The following BCAP31 variants were observed in gnomAD, a reference collection of about 807,000 sequenced individuals.
The protein encoded by BCAP31 is B-cell receptor-associated protein 31.
For missense variants in BCAP31, 124 were observed against 193.0 expected, an observed-to-expected ratio of 0.64 and a Z score of 2.12; for synonymous variants, 75 against 80.9, an observed-to-expected ratio of 0.93 and a Z score of 0.39.
At chrX:153,714,110 C>G (rs2091610687) in intron 4 of BCAP31, among the ~76,000 whole-genome samples, 2 of 109,085 alleles carry the variant, frequency 1.8e-5, no homozygotes, top group South Asian at 8.1e-4. Context: ...CTCCTGACCT[C>G]AGGTGATCCA....
chrX:153,716,240 T>A (rs1228641294), intron 3 of BCAP31, among the ~76,000 whole-genome samples: 1 of 109,235 alleles, frequency 9.2e-6, no homozygotes, highest in African/African-American at 3.3e-5. Context: ...GGCCCCATTC[T>A]ACACAGGCCC....
intron 3 of BCAP31, 67 bp from the exon 4 acceptor site, chrX:153,715,756 G>A (rs2091622974): frequency 3.5e-6 from 4 of 1,149,848 alleles, no homozygotes; most frequent in Non-Finnish European, 3.6e-6. Flanking sequence ...GCCATACCAG[G>A]CAGACAGGCG....
chrX:153,723,660 C>A, intron 1 of BCAP31: 1 of 1,158,280 alleles, frequency 8.6e-7, no homozygotes, highest in Non-Finnish European at 1.2e-6. Context: ...CGCCTCGGCA[C>A]CCATCGGGCG....
chrX:153,719,980 C>T (rs140431828), intron 3 of BCAP31, among the ~76,000 whole-genome samples: 2 of 111,698 alleles, frequency 1.8e-5, no homozygotes, highest in Non-Finnish European at 3.8e-5. Flanking sequence ...AGAGCTGGAA[C>T]GACCTGGGAA....
chrX:153,723,394 T>C (rs1299349447), intron 1 of BCAP31, 106 bp from the exon 2 acceptor site: 3 of 1,126,647 alleles, frequency 2.7e-6, no homozygotes, highest in Non-Finnish European at 3.5e-6. Flanking sequence ...CCTGACCCCC[T>C]GCACTTTGCT....
chrX:153,717,551 C>A (rs10156947), intron 3 of BCAP31, among the ~76,000 whole-genome samples: 5,087 of 112,263 alleles, frequency 0.045, 267 homozygotes, highest in African/African-American at 0.15. Context: ...GTAACTGGGA[C>A]CACAAGTGTG....
intron 4 of BCAP31, among the ~76,000 whole-genome samples, chrX:153,714,982 C>T (rs1832265642): frequency 9.0e-6 from 1 of 111,600 alleles, no homozygotes; most frequent in African/African-American, 3.3e-5. Flanking sequence ...TTTTGCCCGA[C>T]TAGTTACCCT....
chrX:153,711,854 A>T (rs1279299251), intron 4 of BCAP31, among the ~76,000 whole-genome samples: 1 of 107,229 alleles, frequency 9.3e-6, no homozygotes, highest in African/African-American at 3.4e-5. Flanking sequence ...GCAGTAAGCC[A>T]AGACTGTGCC....
intron 4 of BCAP31, among the ~76,000 whole-genome samples, chrX:153,710,884 C>T (rs782419911): frequency 3.3e-4 from 37 of 111,756 alleles, no homozygotes; most frequent in African/African-American, 8.5e-4. Context: ...TTCTGCTCCC[C>T]GATCTTCTAT....
At chrX:153,708,788 A>C (rs1162766805) in intron 4 of BCAP31, among the ~76,000 whole-genome samples, 1 of 112,862 alleles carries the variant, frequency 8.9e-6, no homozygotes, top group Non-Finnish European at 1.9e-5. Flanking sequence ...AGTCACCTAG[A>C]GCAGACCCGA....
At chrX:153,723,633 G>A (rs1557051597) in intron 1 of BCAP31, 8 of 1,165,961 alleles carry the variant, frequency 6.9e-6, no homozygotes, top group South Asian at 3.8e-5. Context: ...AGCAGTGCCA[G>A]GGCACCAAGA....
At chrX:153,705,392 G>C (rs782162589) in intron 4 of BCAP31, 1 of 113,141 alleles carries the variant, frequency 8.8e-6, no homozygotes, top group East Asian at 2.8e-4. Flanking sequence ...CTGGTTTGGG[G>C]AGAGGCTCCC....
chrX:153,711,974 G>A (rs3819639), intron 4 of BCAP31, among the ~76,000 whole-genome samples: 1 of 110,187 alleles, frequency 9.1e-6, no homozygotes, highest in Non-Finnish European at 1.9e-5. Flanking sequence ...AAAAAAGAAA[G>A]AGACAGATAA....
At chrX:153,715,740 G>A (rs1329677459) in intron 3 of BCAP31, 51 bp from the exon 4 acceptor site, 2 of 1,184,143 alleles carry the variant, frequency 1.7e-6, no homozygotes, top group African/African-American at 3.5e-5. Context: ...ACTAGGGCAA[G>A]ATAAGGCCAT....
intron 4 of BCAP31, among the ~76,000 whole-genome samples, chrX:153,713,871 C>T (rs1159116849): frequency 9.5e-6 from 1 of 105,047 alleles, no homozygotes; most frequent in East Asian, 2.9e-4. Flanking sequence ...TTCACCTTCC[C>T]GATACTATTC....
chrX:153,710,096 G>C (rs2091580335), intron 4 of BCAP31, among the ~76,000 whole-genome samples: 1 of 112,359 alleles, frequency 8.9e-6, no homozygotes, highest in African/African-American at 3.2e-5. Context: ...AGAGAATCGA[G>C]TTGGGGGAGA....
In BCAP31 at chrX:153,700,667, C is replaced by A. The variant is rs187970967; in HGVS notation, c.*270G>T. ...GACTACAACTAACTCGTGCTCTCCA[C>A]GCTCAGGCGTGGAAGCCAAGGCTGT... On this transcript the variant is annotated 3_prime_UTR_variant, in exon 8 of 8. Coordinates refer to ENST00000345046, the MANE Select transcript of BCAP31 (RefSeq NM_001256447.2). 9.6e-6 allele frequency: 3 copies of A among 313,082 alleles called. No homozygotes were observed. The highest frequency in any genetic ancestry group is 1.7e-5 in the Non-Finnish European group (3 of 181,581). 25.8% of individuals were successfully genotyped at this position (313,082 alleles called of 1,213,427 possible).
In BCAP31 at chrX:153,723,742, C is replaced by T. The variant is rs192388964; in HGVS notation, c.-44-454G>A. 23,388 of 1,085,178 alleles carry T rather than the reference C, an allele frequency of 0.022. 219 individuals are homozygous for T. Among genetic ancestry groups the T allele is most frequent in the Non-Finnish European group, 0.027 (21,795 of 815,833 alleles). The allele number at this position is 1,085,178 out of a possible 1,213,427, so 89.4% of individuals were successfully genotyped here. On this transcript the variant is annotated intron_variant, in intron 1 of 7. Transcript: ENST00000345046. ...GCGGGCCCAAATCCCCGCTACCAGG[C>T]AGGCCCAAGGCCGCACCTAGTCCAA...
chrX:153,721,018 C>T (rs2091661608), intron 2 of BCAP31, 46 bp from the exon 3 acceptor site: 3 of 1,118,331 alleles, frequency 2.7e-6, no homozygotes, highest in African/African-American at 1.8e-5. Context: ...AAAGCACACA[C>T]ACGAGCTCTA....
Sources: gnomAD v4.1 joint callset for allele counts (sites outside exome capture counted in the v4.1 genomes callset) on GRCh38, gnomAD v4.1.1 for gene constraint, MANE v1.5 for transcripts, NCBI Gene and HGNC (gene_info 2026-07-23, HGNC 2026-07-21) for gene names.